The following KCTD16 variants were observed in gnomAD, a reference collection of about 807,000 sequenced individuals.
KCTD16 encodes the protein BTB/POZ domain-containing protein KCTD16.
In KCTD16, 13 loss-of-function variants were observed where a neutral mutation model predicts 33.2. The ratio of observed to expected loss-of-function variants is 0.39; its 90% CI spans 0.25 to 0.62. The LOEUF (loss-of-function observed/expected upper bound fraction) is 0.62. Among genes scored for constraint, KCTD16 ranks in the 20% least tolerant of loss-of-function variants. The probability of loss-of-function intolerance (pLI) is 0.50; values close to 1 mark genes in which losing one functional copy is unlikely to be tolerated. For synonymous variants in KCTD16, 197 were observed against 195.3 expected (o/e 1.01, Z -0.07); for missense variants, 441 against 525.1 (o/e 0.84, Z 1.57).
chr5:144,380,150 T>C (rs1752179719), intron 3 of KCTD16, among the ~76,000 whole-genome samples: 1 of 152,122 alleles, frequency 6.6e-6, no homozygotes, highest in Non-Finnish European at 1.5e-5. Flanking sequence ...AGTTTCAGGC[T>C]ACAAAATAAA....
rs753373566 is a variant in KCTD16, at chr5:144,383,470, A to C, written c.833-90190A>C. On this transcript the variant is annotated intron_variant, in intron 3 of 3. Coordinates refer to ENST00000512467, the MANE Select transcript of KCTD16 (RefSeq NM_020768.4). ...ATGCCACTGAACTGCATCATATGTT[A>C]ATAAGCTTTTTACTGTGCTAAATTG... 2.0e-4 allele frequency among the ~76,000 whole-genome samples: 31 copies of C among 151,984 alleles called. No homozygotes were observed. In the Middle Eastern group the frequency reaches 0.01, roughly 50 times the overall value.
intron 3 of KCTD16, among the ~76,000 whole-genome samples, chr5:144,414,830 G>A (rs764520552): frequency 6.6e-6 from 1 of 152,046 alleles, no homozygotes; most frequent in Non-Finnish European, 1.5e-5. Context: ...GACTACCAAT[G>A]AGAGCCTTGT....
chr5:144,244,480 G>T (rs1754493199), intron 3 of KCTD16, among the ~76,000 whole-genome samples: 1 of 152,156 alleles, frequency 6.6e-6, no homozygotes. Context: ...TATATATAAA[G>T]GACAAATTGG....
At position 144,409,966 on chromosome 5, in the gene KCTD16, C is replaced by T. The variant is rs1752896590; in HGVS notation, c.833-63694C>T. ...AGATGCCATAGAGACTTCCTTGGTA[C>T]TTTGACAGTTCAGATAGGACCAGAA... On this transcript the variant is annotated intron_variant, in intron 3 of 3. Coordinates refer to ENST00000512467, the MANE Select transcript of KCTD16 (RefSeq NM_020768.4). Among the ~76,000 whole-genome samples, 5 of 152,168 alleles carry T rather than the reference C, an allele frequency of 3.3e-5. No homozygotes were observed. In the South Asian group the frequency reaches 1.0e-3, roughly 32 times the overall value.
intron 3 of KCTD16, among the ~76,000 whole-genome samples, chr5:144,289,037 C>CAAAT (rs1282298483): frequency 6.6e-6 from 1 of 151,702 alleles, no homozygotes; most frequent in Non-Finnish European, 1.5e-5. Flanking sequence ...AACAAACAAA[C>CAAAT]AAAAAAACAA....
At chr5:144,224,282 A>G (rs922242601) in intron 3 of KCTD16, among the ~76,000 whole-genome samples, 3 of 151,968 alleles carry the variant, frequency 2.0e-5, no homozygotes, top group African/African-American at 7.3e-5. Flanking sequence ...GGTTTCTACA[A>G]CTGACTTTAA....
chr5:144,402,637 C>G (rs1032394256), intron 3 of KCTD16, among the ~76,000 whole-genome samples: 1 of 152,164 alleles, frequency 6.6e-6, no homozygotes, highest in African/African-American at 2.4e-5. Flanking sequence ...ATAAGATAAT[C>G]TCTCAAGAGG....
chr5:144,229,205 A>G (rs1754026245), intron 3 of KCTD16, among the ~76,000 whole-genome samples: 1 of 152,200 alleles, frequency 6.6e-6, no homozygotes, highest in African/African-American at 2.4e-5. Flanking sequence ...CTCAAGGTGT[A>G]TGCAAGAGAA....
chr5:144,344,762 G>A lies in KCTD16; in HGVS notation c.833-128898G>A, dbSNP rs1056762806. On this transcript the variant is annotated intron_variant, in intron 3 of 3. Transcript: ENST00000512467. ...ACACTTTTACACTGTTGGTGGGACT[G>A]TAAACTAGTTCAACCCTTGTGGAAG... Among the ~76,000 whole-genome samples, 192 of 150,490 alleles carry A rather than the reference G, an allele frequency of 1.3e-3. 2 individuals carry two copies. Among genetic ancestry groups the A allele is most frequent in the African/African-American group, 4.6e-3 (188 of 41,060 alleles).
rs987590050 is a variant in KCTD16 at position 144,345,952 on chromosome 5, C to A, written c.833-127708C>A. On this transcript the variant is annotated intron_variant, in intron 3 of 3. Transcript: ENST00000512467. ...TATCAAATAGTAGGTCTTATTCATT[C>A]TATTTTTTTTTTTTTTGTAGCTGTT... is the stretch of plus-strand genomic sequence containing the variant. Among the ~76,000 whole-genome samples the A allele has an allele frequency of 7.3e-5, 9 of 122,556 alleles. 1 individual carries two copies. The highest frequency in any genetic ancestry group is 4.9e-4 in the Admixed American group (6 of 12,286). The allele number at this position is 122,556 out of a possible 152,430, so 80.4% of individuals were successfully genotyped here.
rs2127007951 is a variant in KCTD16, at chr5:144,481,829, C to G, written c.*7715C>G. ...CATTATTTCTATATGTAGTTCTGAT[C>G]AGTATTCTAGAATTATGGTTTAAAT... On this transcript the variant is annotated 3_prime_UTR_variant, in exon 4 of 4. Coordinates refer to ENST00000512467, the MANE Select transcript of KCTD16 (RefSeq NM_020768.4). 1 of 151,956 alleles carries G rather than the reference C, an allele frequency of 6.6e-6. No individual in the cohort carries two copies. Among genetic ancestry groups the G allele is most frequent in the South Asian group, 2.1e-4 (1 of 4,816 alleles). The allele number at this position is 151,956 out of a possible 1,614,324, so 9.4% of individuals were successfully genotyped here. A position where few individuals can be genotyped will look rare whatever the true frequency, so the allele number is the denominator to read the frequency against.
chr5:144,409,955 C>G (rs1752896341), intron 3 of KCTD16, among the ~76,000 whole-genome samples: 2 of 152,208 alleles, frequency 1.3e-5, no homozygotes, highest in South Asian at 4.1e-4. Flanking sequence ...GCCATAGAGA[C>G]TTCCTTGGTA....
chr5:144,330,400 C>T (rs1002742570), intron 3 of KCTD16, among the ~76,000 whole-genome samples: 9 of 114,802 alleles, frequency 7.8e-5, no homozygotes, highest in Admixed American at 4.5e-4. Flanking sequence ...GCAACAAGAG[C>T]GAAACTCCAT....
intron 3 of KCTD16, among the ~76,000 whole-genome samples, chr5:144,291,593 G>C (rs962999989): frequency 1.6e-4 from 25 of 152,176 alleles, no homozygotes; most frequent in African/African-American, 6.0e-4. Flanking sequence ...TTTTTATTGA[G>C]TTGCATTGAG....
At chr5:144,399,740 C>A (rs1190867545) in intron 3 of KCTD16, among the ~76,000 whole-genome samples, 3 of 152,098 alleles carry the variant, frequency 2.0e-5, no homozygotes, top group Non-Finnish European at 4.4e-5. Context: ...TTATGATATT[C>A]TTACACTCAT....
intron 3 of KCTD16, among the ~76,000 whole-genome samples, chr5:144,440,342 A>G (rs1000847468): frequency 4.6e-5 from 7 of 152,212 alleles, no homozygotes; most frequent in Non-Finnish European, 8.8e-5. Context: ...TGCAGAAAAT[A>G]GAAGTGGAAT....
At chr5:144,299,146 ATATTTTTT>A (rs1400985010) in intron 3 of KCTD16, among the ~76,000 whole-genome samples, 19 of 10,278 alleles carry the variant, frequency 1.8e-3, no homozygotes, top group Non-Finnish European at 2.4e-3. Context: ...ATATATATAT[ATATTTTTT>A]TTTTTTTTTT....
chr5:144,272,541 A>G (rs1755327361), intron 3 of KCTD16, among the ~76,000 whole-genome samples: 1 of 152,188 alleles, frequency 6.6e-6, no homozygotes, highest in Non-Finnish European at 1.5e-5. Context: ...TGAAGCTGGA[A>G]AAGTAATACT....
rs1203701570 is a variant in KCTD16 at position 144,425,406 on chromosome 5, G to A, written c.833-48254G>A. ...AGTCTTCTGCTTGCAGATTTCCTAGGCTGGAGCTGCACACTGGTGGACCTA... is the reference window on the plus strand; with the variant it reads ...AGTCTTCTGCTTGCAGATTTCCTAGACTGGAGCTGCACACTGGTGGACCTA... On this transcript the variant is annotated intron_variant, in intron 3 of 3. Transcript: ENST00000512467. 2.0e-5 allele frequency among the ~76,000 whole-genome samples: 3 copies of A among 151,670 alleles called. No homozygotes were observed. In the East Asian group the frequency reaches 5.9e-4, roughly 30 times the overall value.
Sources: allele counts gnomAD v4.1 joint callset (sites outside exome capture counted in the v4.1 genomes callset), GRCh38; gene constraint gnomAD v4.1.1; transcripts MANE v1.5; gene names NCBI Gene and HGNC (gene_info 2026-07-23, HGNC 2026-07-21).